The following ALMS1 variants were observed in gnomAD, a reference collection of about 807,000 sequenced individuals.
ALMS1 encodes centrosome-associated protein ALMS1.
In ALMS1, 271 loss-of-function variants were observed where a neutral mutation model predicts 352.2. The ratio of observed to expected loss-of-function variants is 0.77; its 90% CI spans 0.70 to 0.85. The LOEUF (loss-of-function observed/expected upper bound fraction) is 0.85. Ranked by LOEUF, ALMS1 falls within the 40% of genes least tolerant of loss-of-function variation. The probability of loss-of-function intolerance (pLI) is 0.00; values close to 1 mark genes in which losing one functional copy is unlikely to be tolerated. For synonymous variants in ALMS1, 1,865 were observed against 1,761.2 expected (o/e 1.06, Z -1.48); for missense variants, 5,445 against 4,870.7 (o/e 1.12, Z -3.51).
In ALMS1 at chr2:73,491,354, T is replaced by G; in HGVS notation, c.9395T>G (p.Leu3132Arg). 1.2e-6 allele frequency: 2 copies of G among 1,614,170 alleles called. No individual in the cohort carries two copies. Among genetic ancestry groups the G allele is most frequent in the South Asian group, 1.1e-5 (1 of 91,084 alleles). The stretch of plus-strand genomic sequence containing the variant: ...GATTTCCAAGTCGTACAGCCTTCTC[T>G]TCCAGACAGTAACACTATTACTCAG... ...SLDFQVVQPS[L>R]PDSNTITQDL... Residue 3132 changes from leucine (L) to arginine (R), a missense_variant, in exon 10 of 23, where the codon CTT (leucine) becomes CGT (arginine). Transcript: ENST00000613296.
At chr2:73,432,664 A>G (rs1671523959) in intron 7 of ALMS1, among the ~76,000 whole-genome samples, 1 of 151,174 alleles carries the variant, frequency 6.6e-6, no homozygotes, top group Non-Finnish European at 1.5e-5. Flanking sequence ...CACTAATCCC[A>G]AACATGTGGC....
At chr2:73,406,340 C>G (rs915176067) in intron 1 of ALMS1, among the ~76,000 whole-genome samples, 10 of 150,576 alleles carry the variant, frequency 6.6e-5, no homozygotes, top group Admixed American at 6.6e-4. Context: ...CATGGAATAT[C>G]TTTTTGAATC....
chr2:73,556,865 C>T (rs1558692996), intron 13 of ALMS1, among the ~76,000 whole-genome samples: 1 of 151,828 alleles, frequency 6.6e-6, no homozygotes, highest in African/African-American at 2.4e-5. Context: ...ACGACGCCTG[C>T]TAGTTTTTGT....
At chr2:73,398,202 T>A (rs549149021) in intron 1 of ALMS1, among the ~76,000 whole-genome samples, 1 of 152,380 alleles carries the variant, frequency 6.6e-6, no homozygotes, top group Non-Finnish European at 1.5e-5. Flanking sequence ...TTGTTTTGCA[T>A]GTAAATGTCC....
At chr2:73,565,304 A>G (rs1232441687) in intron 15 of ALMS1, among the ~76,000 whole-genome samples, 1 of 152,224 alleles carries the variant, frequency 6.6e-6, no homozygotes, top group South Asian at 2.1e-4. Context: ...GATGGGGAAT[A>G]TGTCAATGGA....
chr2:73,533,674 T>A (rs1673967748), intron 11 of ALMS1, among the ~76,000 whole-genome samples: 1 of 152,116 alleles, frequency 6.6e-6, no homozygotes, highest in Non-Finnish European at 1.5e-5. Flanking sequence ...GAGGTCATAT[T>A]TGACAGTTTC....
rs149326164 is a variant in ALMS1, at chr2:73,402,522, C to T, written c.325-6100C>T. Among the ~76,000 whole-genome samples the T allele has an allele frequency of 4.9e-4, 75 of 152,028 alleles. No individual in the cohort carries two copies. In the East Asian group the frequency reaches 0.012, roughly 24 times the overall value. On this transcript the variant is annotated intron_variant, in intron 1 of 22. Coordinates refer to ENST00000613296, the MANE Select transcript of ALMS1 (RefSeq NM_001378454.1). ...CTCCTAACCTCAGTGATCCTCCCAC[C>T]GTGTTTGGATTACAGGCACGAGCCA...
rs769504014 is a variant in ALMS1, at chr2:73,449,490, C to G, written c.2963C>G (p.Thr988Ser). Residue 988 changes from threonine to serine, a missense_variant, in exon 8 of 23, where the codon ACT becomes AGT. By Grantham distance (58) the Thr-to-Ser change is moderately conservative. Transcript: ENST00000613296. ...SLKMSAIPGL[T>S]DQKTVPTPTV... is the part of the protein sequence containing the mutation. ...AAAATGTCTGCTATTCCTGGACTGA[C>G]TGACCAGAAGACTGTCCCAACACCA... 6.2e-7 allele frequency: 1 copy of G among 1,614,078 alleles called. No homozygotes were observed. Among genetic ancestry groups the G allele is most frequent in the South Asian group, 1.1e-5 (1 of 91,086 alleles).
chr2:73,568,189 A>G (rs890652336), intron 15 of ALMS1, among the ~76,000 whole-genome samples: 1 of 152,208 alleles, frequency 6.6e-6, no homozygotes, highest in Non-Finnish European at 1.5e-5. Flanking sequence ...CACAGATGAA[A>G]AGATTTGATT....
At chr2:73,464,744 A>T (rs1448509685) in intron 9 of ALMS1, among the ~76,000 whole-genome samples, 2 of 152,210 alleles carry the variant, frequency 1.3e-5, no homozygotes, top group East Asian at 3.8e-4. Context: ...CAACTTCAGC[A>T]AAGTCTCAGG....
chr2:73,478,234 CAT>C (rs1336401520), intron 9 of ALMS1, among the ~76,000 whole-genome samples: 1 of 152,026 alleles, frequency 6.6e-6, no homozygotes, highest in Non-Finnish European at 1.5e-5. Flanking sequence ...TATCTAATGA[CAT>C]GTGGTTGGTT....
chr2:73,549,411 A>G (rs1258987749), intron 12 of ALMS1, among the ~76,000 whole-genome samples: 2 of 152,152 alleles, frequency 1.3e-5, no homozygotes, highest in Admixed American at 6.6e-5. Context: ...TGCATTTTAT[A>G]TACAATAAAG....
intron 15 of ALMS1, among the ~76,000 whole-genome samples, chr2:73,564,414 C>G (rs567614100): frequency 7.3e-6 from 1 of 137,014 alleles, no homozygotes; most frequent in South Asian, 2.3e-4. Flanking sequence ...GACAGTGAGC[C>G]AAGATCGCGC....
intron 16 of ALMS1, among the ~76,000 whole-genome samples, chr2:73,579,752 A>C (rs778342652): frequency 4.6e-5 from 7 of 152,050 alleles, no homozygotes; most frequent in Non-Finnish European, 1.0e-4. Flanking sequence ...TTAGCAATTA[A>C]TTTTACCGAG....
intron 10 of ALMS1, among the ~76,000 whole-genome samples, chr2:73,513,502 C>G (rs1030228757): frequency 1.3e-5 from 2 of 152,130 alleles, no homozygotes; most frequent in African/African-American, 4.8e-5. Context: ...TTCTGACATT[C>G]AAGGTCAGAC....
intron 9 of ALMS1, among the ~76,000 whole-genome samples, chr2:73,463,013 C>T (rs1558655560): frequency 6.6e-6 from 1 of 152,162 alleles, no homozygotes. Flanking sequence ...CAATGGGAGA[C>T]TTTAACACCC....
rs200535382 is a variant in ALMS1, at chr2:73,448,621, G to A, written c.2094G>A (p.Val698=). 47 of 1,611,724 alleles carry A rather than the reference G, an allele frequency of 2.9e-5. No individual in the cohort carries two copies. The highest frequency in any genetic ancestry group is 3.9e-5 in the Non-Finnish European group (46 of 1,179,288). ...LTDQALKVSA[V]SGPADQKTGT... ...ATCAGGCTCTGAAAGTCTCAGCTGT[G>A]TCTGGACCAGCTGACCAGAAGACTG... The change falls in exon 8 of 23, where the codon GTG becomes GTA. Residue 698 remains valine, a synonymous_variant. Transcript: ENST00000613296.
chr2:73,442,510 A>G (rs370627950), intron 7 of ALMS1, among the ~76,000 whole-genome samples: 3 of 152,184 alleles, frequency 2.0e-5, no homozygotes, highest in South Asian at 2.1e-4. Flanking sequence ...ATATCACACC[A>G]TCAGTTTTTC....
intron 12 of ALMS1, among the ~76,000 whole-genome samples, chr2:73,540,114 C>T (rs968534990): frequency 1.3e-5 from 2 of 152,116 alleles, no homozygotes; most frequent in Non-Finnish European, 2.9e-5. Flanking sequence ...TTAAGGGCAG[C>T]CAGAGAGAAA....
Sources: allele counts gnomAD v4.1 joint callset (sites outside exome capture counted in the v4.1 genomes callset), GRCh38; gene constraint gnomAD v4.1.1; transcripts MANE v1.5; gene names NCBI Gene and HGNC (gene_info 2026-07-23, HGNC 2026-07-21).